SCIN: variants seen among roughly 807,000 people sequenced by gnomAD.
SCIN encodes the protein scinderin, also known as adseverin.
Under a neutral mutation model 91.8 loss-of-function variants are expected in SCIN, and 91 were observed. That is an observed-to-expected ratio of 0.99 (90% CI 0.84 to 1.18). SCIN has a LOEUF of 1.18. Ranked by LOEUF, SCIN falls within the 50% of genes most tolerant of loss-of-function variation. The pLI is 0.00. For missense variants in SCIN, 1,087 were observed against 863.9 expected (o/e 1.26, Z -3.24); for synonymous variants, 367 against 312.6 (o/e 1.17, Z -1.84).
intron 3 of SCIN, among the ~76,000 whole-genome samples, chr7:12,596,037 G>A (rs1782833316): frequency 6.6e-6 from 1 of 152,136 alleles, no homozygotes; most frequent in African/African-American, 2.4e-5. Context: ...AAAGAGCTTA[G>A]AACAGGAAGG....
At chr7:12,607,159 A>G (rs575978034) in intron 4 of SCIN, among the ~76,000 whole-genome samples, 2 of 152,184 alleles carry the variant, frequency 1.3e-5, no homozygotes, top group African/African-American at 2.4e-5. Flanking sequence ...CCTTGGCCCA[A>G]AGCAAGTCTC....
At chr7:12,586,375 A>G (rs1782586610) in intron 3 of SCIN, among the ~76,000 whole-genome samples, 1 of 152,324 alleles carries the variant, frequency 6.6e-6, no homozygotes, top group Admixed American at 6.5e-5. Flanking sequence ...CAAAACCACT[A>G]TGAGATATCA....
At chr7:12,603,245 C>T (rs945405271) in intron 3 of SCIN, among the ~76,000 whole-genome samples, 31 of 151,908 alleles carry the variant, frequency 2.0e-4, no homozygotes, top group Admixed American at 5.2e-4. Flanking sequence ...CCCGGGTTCA[C>T]GCCATTCTCC....
chr7:12,593,730 G>A (rs1475115226), intron 3 of SCIN, among the ~76,000 whole-genome samples: 2 of 152,058 alleles, frequency 1.3e-5, no homozygotes, highest in Non-Finnish European at 2.9e-5. Flanking sequence ...GTAATCATAT[G>A]GCTACAGTAC....
intron 5 of SCIN, 83 bp from the exon 6 acceptor site, chr7:12,624,927 T>A: frequency 2.2e-6 from 3 of 1,358,086 alleles, no homozygotes; most frequent in Non-Finnish European, 3.0e-6. Context: ...TTTACCGAGT[T>A]GTACAACCAT....
At chr7:12,649,021 A>G (rs1009975573) in intron 13 of SCIN, among the ~76,000 whole-genome samples, 2 of 152,202 alleles carry the variant, frequency 1.3e-5, no homozygotes, top group African/African-American at 4.8e-5. Flanking sequence ...ATTGCTATGA[A>G]TACATTCCAA....
rs539225620 is a variant in SCIN, at chr7:12,596,671, A to G, written c.517-7843A>G. On this transcript the variant is annotated intron_variant, in intron 3 of 15. Coordinates refer to ENST00000297029, the MANE Select transcript of SCIN (RefSeq NM_001112706.3). Reference sequence around the variant, plus strand: ...TGGCTGGCAGAAATGCTTTTTGTTAAAGTATGACTGTAAGCTTTTTTTTTT... The same window carrying G: ...TGGCTGGCAGAAATGCTTTTTGTTAGAGTATGACTGTAAGCTTTTTTTTTT... Among the ~76,000 whole-genome samples the G allele has an allele frequency of 8.0e-5, 11 of 137,850 alleles. No homozygotes were observed. In the East Asian group the frequency reaches 2.5e-3, roughly 32 times the overall value. 90.4% of individuals were successfully genotyped at this position (137,850 alleles called of 152,430 possible). A position where few individuals can be genotyped will look rare whatever the true frequency, so the allele number is the denominator to read the frequency against.
At chr7:12,591,695 G>A (rs1397266079) in intron 3 of SCIN, among the ~76,000 whole-genome samples, 1 of 152,146 alleles carries the variant, frequency 6.6e-6, no homozygotes, top group Non-Finnish European at 1.5e-5. Flanking sequence ...AGCTAGGAGG[G>A]CAAAGTTGGA....
chr7:12,626,474 C>G, intron 7 of SCIN, 110 bp from the exon 8 acceptor site: 3 of 866,310 alleles, frequency 3.5e-6, no homozygotes, highest in Non-Finnish European at 5.2e-6. Context: ...AGCTTGATAG[C>G]TAAACCAGGA....
At chr7:12,579,996 G>A (rs542688865) in intron 2 of SCIN, among the ~76,000 whole-genome samples, 6 of 152,128 alleles carry the variant, frequency 3.9e-5, no homozygotes, top group African/African-American at 1.2e-4. Context: ...TGTAGCAGTC[G>A]TTGTAAAATT....
chr7:12,603,123 GA>G (rs1171527560), intron 3 of SCIN, among the ~76,000 whole-genome samples: 23 of 151,996 alleles, frequency 1.5e-4, no homozygotes, highest in African/African-American at 5.3e-4. Context: ...CCTATAAATG[GA>G]ATTTCTTGTT....
Position 12,595,375 on chromosome 7 carries a change from T to C in SCIN, c.517-9139T>C, listed in dbSNP as rs549373840. Among the ~76,000 whole-genome samples, 4 of 150,732 alleles carry C rather than the reference T, an allele frequency of 2.7e-5. No individual in the cohort carries two copies. The East Asian group carries it at 7.9e-4, about 30-fold the overall frequency. On this transcript the variant is annotated intron_variant, in intron 3 of 15. Transcript: ENST00000297029. Reference sequence around the variant, plus strand: ...CTCGTGACCTCCCCCATGCTGCCCGTAGGGCTGTAAGCAAGTCTGGTGACC... The same window carrying C: ...CTCGTGACCTCCCCCATGCTGCCCGCAGGGCTGTAAGCAAGTCTGGTGACC...
At chr7:12,606,336 A>G (rs1198743220) in intron 4 of SCIN, among the ~76,000 whole-genome samples, 1 of 152,210 alleles carries the variant, frequency 6.6e-6, no homozygotes, top group Non-Finnish European at 1.5e-5. Context: ...TTAGATTTGC[A>G]TTTAAATCTA....
intron 1 of SCIN, chr7:12,577,478 A>T (rs1373519987): frequency 2.2e-6 from 1 of 454,794 alleles, no homozygotes; most frequent in Non-Finnish European, 4.4e-6. Flanking sequence ...ATCTCATTGG[A>T]ATAGATTGTT....
chr7:12,596,436 T>C (rs1218958328), intron 3 of SCIN: 3 of 455,704 alleles, frequency 6.6e-6, no homozygotes, highest in Admixed American at 4.7e-5. Flanking sequence ...GGTGTGAACC[T>C]TCAGGAAATG....
At chr7:12,607,267 C>CCTTA (rs2115253355) in intron 4 of SCIN, among the ~76,000 whole-genome samples, 1 of 152,282 alleles carries the variant, frequency 6.6e-6, no homozygotes, top group East Asian at 1.9e-4. Context: ...TATCCTTCTA[C>CCTTA]CTTACCTCTT....
intron 3 of SCIN, among the ~76,000 whole-genome samples, chr7:12,591,090 T>A (rs1782712631): frequency 6.6e-6 from 1 of 152,048 alleles, no homozygotes. Flanking sequence ...TCATCGGGGT[T>A]GGTGAGAGGC....
chr7:12,645,885 T>C (rs555738922), intron 13 of SCIN, among the ~76,000 whole-genome samples: 31 of 152,362 alleles, frequency 2.0e-4, no homozygotes, highest in Non-Finnish European at 3.1e-4. Context: ...AGCATGCAGT[T>C]GCTGTATGAA....
intron 9 of SCIN, among the ~76,000 whole-genome samples, chr7:12,635,661 C>G (rs1325018912): frequency 1.7e-5 from 2 of 115,492 alleles, no homozygotes; most frequent in African/African-American, 5.9e-5. Context: ...AGACAAAATG[C>G]CCCTAACATT....
Sources: gnomAD v4.1 joint callset for allele counts (sites outside exome capture counted in the v4.1 genomes callset) on GRCh38, gnomAD v4.1.1 for gene constraint, MANE v1.5 for transcripts, NCBI Gene and HGNC (gene_info 2026-07-23, HGNC 2026-07-21) for gene names.